ZNF83: variants seen among roughly 807,000 people sequenced by gnomAD.
The protein encoded by ZNF83 is zinc finger protein 816B.
For synonymous variants in ZNF83, 209 were observed against 213.0 expected (o/e 0.98, Z 0.17); for missense variants, 552 against 629.9 (o/e 0.88, Z 1.32).
At chr19:52,677,123 T>C (rs1442457825) in intron 1 of ZNF83, among the ~76,000 whole-genome samples, 1 of 34,244 alleles carries the variant, frequency 2.9e-5, no homozygotes, top group Admixed American at 3.2e-4. Context: ...GAATGATCAA[T>C]TAAAAAAAAA....
Position 52,634,959 on chromosome 19 carries a change from C to A in ZNF83, c.-234+107G>T, listed in dbSNP as rs530811055. 21 of 660,962 alleles carry A rather than the reference C, an allele frequency of 3.2e-5. No individual in the cohort carries two copies. The African/African-American group carries it at 4.7e-4, about 15-fold the overall frequency. The allele number at this position is 660,962 out of a possible 1,614,324, so 40.9% of individuals were successfully genotyped here. ...GAAGGCATGGGTGAGTGTGAGCAAACCTGTCAGGCAGGACACTTCTTGAGA... is the reference window on the plus strand; with the variant it reads ...GAAGGCATGGGTGAGTGTGAGCAAAACTGTCAGGCAGGACACTTCTTGAGA... On this transcript the variant is annotated intron_variant, in intron 2 of 2. Coordinates refer to ENST00000301096, the Ensembl canonical transcript of ZNF83.
chr19:52,663,054 T>C (rs527656303), intron 1 of ZNF83, among the ~76,000 whole-genome samples: 16 of 152,038 alleles, frequency 1.1e-4, no homozygotes, highest in African/African-American at 3.1e-4. Context: ...TCCCAGCTAT[T>C]TGGGAGGCTG....
chr19:52,615,430 T>C (rs563766646), intron 2 of ZNF83, among the ~76,000 whole-genome samples: 1 of 152,194 alleles, frequency 6.6e-6, no homozygotes, highest in South Asian at 2.1e-4. Context: ...CTCTGACATA[T>C]GATAGACACA....
At chr19:52,684,266 TG>T (rs2061976464) in intron 1 of ZNF83, among the ~76,000 whole-genome samples, 1 of 152,028 alleles carries the variant, frequency 6.6e-6, no homozygotes, top group Non-Finnish European at 1.5e-5. Context: ...CTCGGGAGGC[TG>T]AGGCAGGAGA....
At chr19:52,683,415 A>G (rs2061959530) in intron 1 of ZNF83, among the ~76,000 whole-genome samples, 1 of 151,926 alleles carries the variant, frequency 6.6e-6, no homozygotes, top group Non-Finnish European at 1.5e-5. Context: ...TCTTTCCTGA[A>G]GTCACGGAGC....
chr19:52,646,050 G>A (rs141626328), intron 3 of ZNF83, among the ~76,000 whole-genome samples: 120 of 151,904 alleles, frequency 7.9e-4, no homozygotes, highest in African/African-American at 2.4e-3. Context: ...AGTGATTCTC[G>A]TGCCTCAGCA....
At chr19:52,627,057 C>A (rs972529468) in intron 2 of ZNF83, among the ~76,000 whole-genome samples, 28 of 152,206 alleles carry the variant, frequency 1.8e-4, no homozygotes, top group African/African-American at 5.8e-4. Flanking sequence ...GATCGATCGA[C>A]CTTGAGAAAT....
At chr19:52,680,675 C>G (rs570384599) in intron 1 of ZNF83, among the ~76,000 whole-genome samples, 18 of 129,926 alleles carry the variant, frequency 1.4e-4, no homozygotes, top group Admixed American at 6.6e-4. Context: ...TGCAGTGGCG[C>G]GATCTCGGCT....
chr19:52,675,937 A>AT (rs910934978), intron 1 of ZNF83, among the ~76,000 whole-genome samples: 2 of 152,106 alleles, frequency 1.3e-5, no homozygotes, highest in African/African-American at 4.8e-5. Flanking sequence ...CATGCTTGTA[A>AT]TCCCACCACT....
At chr19:52,634,086 G>T (rs10412842) in intron 2 of ZNF83, among the ~76,000 whole-genome samples, 1 of 151,708 alleles carries the variant, frequency 6.6e-6, no homozygotes, top group African/African-American at 2.4e-5. Flanking sequence ...CCTGGCCAAC[G>T]TGATGAAACC....
At chr19:52,652,770 T>A (rs1207508694) in intron 3 of ZNF83, 1 of 825,512 alleles carries the variant, frequency 1.2e-6, no homozygotes, top group Non-Finnish European at 2.0e-6. Context: ...GAATAAGTGA[T>A]GACTGCCCAC....
At chr19:52,632,613 A>C (rs1251263262) in intron 2 of ZNF83, among the ~76,000 whole-genome samples, 1 of 151,830 alleles carries the variant, frequency 6.6e-6, no homozygotes, top group Non-Finnish European at 1.5e-5. Context: ...AGTGCTGTCC[A>C]CAAACCGCCA....
At chr19:52,681,000 CAG>C (rs1433878802) in intron 1 of ZNF83, among the ~76,000 whole-genome samples, 1 of 151,734 alleles carries the variant, frequency 6.6e-6, no homozygotes, top group Non-Finnish European at 1.5e-5. Flanking sequence ...AAAGGAAACA[CAG>C]GGCTTGGTGT....
chr19:52,639,413 C>CTTTTTTTTTTTTTTTTTTTTTTTTTTTTT (rs1206783591), upstream of ZNF83, among the ~76,000 whole-genome samples: 4 of 53,880 alleles, frequency 7.4e-5, no homozygotes, highest in Admixed American at 2.6e-4. Context: ...TTAGTTTTTT[C>CTTTTTTTTTTTTTTTTTTTTTTTTTTTTT]TATTTTTTTT....
intron 1 of ZNF83, among the ~76,000 whole-genome samples, chr19:52,678,018 G>A (rs2061845639): frequency 7.0e-6 from 1 of 143,346 alleles, no homozygotes; most frequent in Non-Finnish European, 1.6e-5. Flanking sequence ...CTGGGTGACA[G>A]AGTGAGACTG....
At chr19:52,633,396 A>T (rs1276837926) in intron 2 of ZNF83, among the ~76,000 whole-genome samples, 1 of 152,218 alleles carries the variant, frequency 6.6e-6, no homozygotes, top group Non-Finnish European at 1.5e-5. Context: ...ACGTGCATGA[A>T]AAATATAATT....
intron 1 of ZNF83, among the ~76,000 whole-genome samples, chr19:52,681,737 G>A (rs969907689): frequency 6.6e-6 from 1 of 152,168 alleles, no homozygotes; most frequent in African/African-American, 2.4e-5. Context: ...AACTGACACA[G>A]GTTTATCTAA....
intron 2 of ZNF83, among the ~76,000 whole-genome samples, chr19:52,626,314 T>C (rs772737758): frequency 2.6e-5 from 4 of 152,234 alleles, no homozygotes; most frequent in South Asian, 4.1e-4. Context: ...TTAGCCCCAG[T>C]TGTCCTCCAA....
At chr19:52,647,398 G>A (rs540122176) in intron 3 of ZNF83, among the ~76,000 whole-genome samples, 1 of 152,100 alleles carries the variant, frequency 6.6e-6, no homozygotes, top group South Asian at 2.1e-4. Context: ...CATCTGCCTT[G>A]GCCTCTAGAG....
Sources: allele counts gnomAD v4.1 joint callset (sites outside exome capture counted in the v4.1 genomes callset), GRCh38; gene constraint gnomAD v4.1.1; transcripts MANE v1.5; gene names NCBI Gene and HGNC (gene_info 2026-07-23, HGNC 2026-07-21).